Variants in RTN4 observed in about 807,000 individuals in gnomAD.
The protein encoded by RTN4 is reticulon-4.
RTN4 carries 32 observed loss-of-function variants against 90.4 expected under a neutral mutation model. The observed-to-expected ratio is 0.35, with a 90% CI of 0.27 to 0.48. The LOEUF is 0.48. RTN4 is among the 20% of genes least tolerant of loss of function. The pLI is 0.99. For synonymous variants in RTN4, 629 were observed against 552.5 expected (o/e 1.14, Z -1.94); for missense variants, 1,706 against 1,430.2 (o/e 1.19, Z -3.11).
the RTN4 span, among the ~76,000 whole-genome samples, chr2:55,136,843 C>T: frequency 6.6e-6 from 1 of 152,234 alleles, no homozygotes; most frequent in Non-Finnish European, 1.5e-5. Flanking sequence ...GTCAGGCAGA[C>T]TGCCTACTTA....
intron 1 of RTN4, among the ~76,000 whole-genome samples, chr2:55,040,130 T>C (rs1682973177): frequency 6.6e-6 from 1 of 152,180 alleles, no homozygotes; most frequent in Non-Finnish European, 1.5e-5. Flanking sequence ...AATGAAATAC[T>C]AACTTGATCT....
intron 3 of RTN4, among the ~76,000 whole-genome samples, chr2:55,020,944 C>T (rs910264934): frequency 1.3e-5 from 2 of 152,016 alleles, no homozygotes; most frequent in African/African-American, 4.8e-5. Context: ...TGCAGTGAGC[C>T]ATAATCTCAC....
At chr2:55,075,783 G>A (rs1668588782) in intron 2 of RTN4, among the ~76,000 whole-genome samples, 1 of 152,090 alleles carries the variant, frequency 6.6e-6, no homozygotes, top group Admixed American at 6.6e-5. Context: ...CATAAATAAA[G>A]CCAAATATTT....
chr2:55,030,809 A>G (rs752545859), intron 1 of RTN4, among the ~76,000 whole-genome samples: 1 of 152,190 alleles, frequency 6.6e-6, no homozygotes, highest in Non-Finnish European at 1.5e-5. Context: ...AACTGGTGCA[A>G]TCCTTCTTAC....
Position 55,025,068 on chromosome 2 carries a change from G to A in RTN4, c.3013+18C>T, listed in dbSNP as rs1471765822. On this transcript the variant is annotated intron_variant, in intron 3 of 8. Transcript: ENST00000337526. Reference sequence around the variant, plus strand: ...AAAAGTGGCATGAAAGCACAAAACTGCATATAGATTGGATTACCTGAAGTT... The same window carrying A: ...AAAAGTGGCATGAAAGCACAAAACTACATATAGATTGGATTACCTGAAGTT... 1.3e-6 allele frequency: 2 copies of A among 1,577,546 alleles called. No individual in the cohort carries two copies. The highest frequency in any genetic ancestry group is 1.9e-5 in the Admixed American group (1 of 53,760).
the RTN4 span, among the ~76,000 whole-genome samples, chr2:55,129,445 T>C: frequency 1.2e-4 from 19 of 152,032 alleles, no homozygotes; most frequent in African/African-American, 4.3e-4. Flanking sequence ...CTGGTAGTAA[T>C]AACACATAGC....
chr2:55,136,466 C>T, the RTN4 span, among the ~76,000 whole-genome samples: 2 of 152,252 alleles, frequency 1.3e-5, no homozygotes, highest in Non-Finnish European at 2.9e-5. Flanking sequence ...GCTTGGCCCT[C>T]TTCCAAGTGT....
intron 2 of RTN4, among the ~76,000 whole-genome samples, chr2:55,060,455 G>A (rs915504862): frequency 2.6e-5 from 4 of 152,172 alleles, no homozygotes; most frequent in Admixed American, 2.6e-4. Context: ...AATGTCAGTG[G>A]AACTCATGGT....
chr2:55,058,830 C>G (rs1214324660), intron 2 of RTN4, among the ~76,000 whole-genome samples: 1 of 151,894 alleles, frequency 6.6e-6, no homozygotes, highest in Admixed American at 6.6e-5. Context: ...GTCAAAAATG[C>G]AATTCTGGTT....
At chr2:54,973,407 T>C in intron 8 of RTN4, 156 bp downstream of exon 8, 1 of 777,876 alleles carries the variant, frequency 1.3e-6, no homozygotes, top group South Asian at 1.7e-5. Flanking sequence ...AAACGAATGG[T>C]CCAAATGTTA....
intron 8 of RTN4, 121 bp downstream of exon 8, chr2:54,973,416 TAGAAAAACAATCTTTTGGCAACTCTG>T: frequency 1.3e-6 from 1 of 782,898 alleles, no homozygotes; most frequent in African/African-American, 1.7e-5. Flanking sequence ...GTCCAAATGT[TAGAAAAACAATCTTTTGGCAACTCTG>T]AAGTCACACT....
chr2:54,973,135 T>C lies in RTN4; in HGVS notation c.*21A>G. Reference sequence around the variant, plus strand: ...AATATCCCCTTTAAAGATGAACTCCTACTAATTATTTTGGGCGTTTTCATT... The same window carrying C: ...AATATCCCCTTTAAAGATGAACTCCCACTAATTATTTTGGGCGTTTTCATT... On this transcript the variant is annotated 3_prime_UTR_variant, in exon 9 of 9. Coordinates refer to ENST00000337526, the MANE Select transcript of RTN4 (RefSeq NM_020532.5). 1 of 1,596,366 alleles carries C rather than the reference T, an allele frequency of 6.3e-7. No homozygotes were observed. Among genetic ancestry groups the C allele is most frequent in the South Asian group, 1.1e-5 (1 of 89,934 alleles).
chr2:55,052,826 T>C (rs116118018), upstream of RTN4, among the ~76,000 whole-genome samples: 1 of 152,346 alleles, frequency 6.6e-6, no homozygotes, highest in African/African-American at 2.4e-5. Flanking sequence ...CCCCGCATGC[T>C]TTTCCCACTA....
chr2:55,110,237 G>T (rs1318994398), intron 1 of RTN4, among the ~76,000 whole-genome samples: 1 of 151,586 alleles, frequency 6.6e-6, no homozygotes, highest in Non-Finnish European at 1.5e-5. Context: ...CTTGAGCCTG[G>T]GAGGCAGAGG....
At chr2:55,091,480 G>A (rs1191051640) in intron 1 of RTN4, among the ~76,000 whole-genome samples, 2 of 152,054 alleles carry the variant, frequency 1.3e-5, no homozygotes, top group African/African-American at 4.8e-5. Flanking sequence ...TTATTTTCCT[G>A]TAACACTTAC....
chr2:54,972,649 A>AAAG lies in RTN4; in HGVS notation c.*504_*506dup, dbSNP rs1196546939. 6.5e-6 allele frequency: 1 copy of AAAG among 152,828 alleles called. No individual in the cohort carries two copies. Among genetic ancestry groups the AAAG allele is most frequent in the Non-Finnish European group, 1.5e-5 (1 of 68,180 alleles). 9.5% of individuals were successfully genotyped at this position (152,828 alleles called of 1,614,324 possible). On this transcript the variant is annotated 3_prime_UTR_variant, in exon 9 of 9. Transcript: ENST00000337526. ...TATATTGGCAATTAATATAACAGTA[A>AAAG]AAGTCACAATACACCTAGAACATAC...
chr2:55,072,915 G>GT (rs1668540641), intron 2 of RTN4, among the ~76,000 whole-genome samples: 2 of 152,154 alleles, frequency 1.3e-5, no homozygotes, highest in African/African-American at 4.8e-5. Context: ...CTGTTAAAGT[G>GT]TTTTTTCTGC....
chr2:55,057,642 T>A (rs1381097621), intron 2 of RTN4, among the ~76,000 whole-genome samples: 1 of 152,134 alleles, frequency 6.6e-6, no homozygotes, highest in Non-Finnish European at 1.5e-5. Flanking sequence ...AGCAAACTAT[T>A]TGGAACATGT....
chr2:55,023,258 G>C (rs73936808), intron 3 of RTN4, among the ~76,000 whole-genome samples: 3 of 151,982 alleles, frequency 2.0e-5, no homozygotes, highest in African/African-American at 7.3e-5. Flanking sequence ...TAGGTTGTTT[G>C]GCACAATCAA....
Sources: gnomAD v4.1 joint callset for allele counts (sites outside exome capture counted in the v4.1 genomes callset) on GRCh38, gnomAD v4.1.1 for gene constraint, MANE v1.5 for transcripts, NCBI Gene and HGNC (gene_info 2026-07-23, HGNC 2026-07-21) for gene names.